Variants in UNC5D observed in about 807,000 individuals in gnomAD.
UNC5D encodes netrin receptor UNC5D.
A neutral mutation model predicts 105.4 loss-of-function variants in UNC5D; 39 were observed. That is an observed-to-expected ratio of 0.37 (90% CI 0.29 to 0.48). The LOEUF (loss-of-function observed/expected upper bound fraction) is 0.48, where lower values mean the gene tolerates loss of function less well. Among genes scored for constraint, UNC5D ranks in the 20% least tolerant of loss-of-function variants. UNC5D has a pLI of 0.98. For missense variants in UNC5D, 991 were observed against 1,202.4 expected (o/e 0.82, Z 2.60); for synonymous variants, 452 against 450.4 (o/e 1.00, Z -0.04).
chr8:35,627,058 A>G (rs1423996221), intron 4 of UNC5D, among the ~76,000 whole-genome samples: 1 of 152,240 alleles, frequency 6.6e-6, no homozygotes, highest in Non-Finnish European at 1.5e-5. Context: ...CCCATCTACT[A>G]AGAAATGGTT....
chr8:35,701,069 C>T (rs2131422694), intron 7 of UNC5D, among the ~76,000 whole-genome samples: 1 of 152,170 alleles, frequency 6.6e-6, no homozygotes, highest in East Asian at 1.9e-4. Flanking sequence ...TTAAAGTGGT[C>T]TTTGTAGGTA....
At chr8:35,736,730 T>C (rs1287696458) in intron 11 of UNC5D, among the ~76,000 whole-genome samples, 1 of 152,170 alleles carries the variant, frequency 6.6e-6, no homozygotes, top group African/African-American at 2.4e-5. Flanking sequence ...GGGGTTTCTC[T>C]CCAAGGGAGT....
At chr8:35,695,327 A>G (rs938427071) in intron 7 of UNC5D, among the ~76,000 whole-genome samples, 1 of 152,174 alleles carries the variant, frequency 6.6e-6, no homozygotes, top group African/African-American at 2.4e-5. Flanking sequence ...TAAGGTCCCA[A>G]CACGTTCTAA....
At position 35,766,889 on chromosome 8, in the gene UNC5D, G is replaced by C; in HGVS notation, c.2314-13G>C. 1 of 1,605,282 alleles carries C rather than the reference G, an allele frequency of 6.2e-7. No homozygotes were observed. The highest frequency in any genetic ancestry group is 1.1e-5 in the South Asian group (1 of 89,942). On this transcript the variant is annotated splice_polypyrimidine_tract_variant and intron_variant, in intron 14 of 16. Coordinates refer to ENST00000404895, the MANE Select transcript of UNC5D (RefSeq NM_080872.4). ...GCTCTGCACACCATCCCTTCTCTCC[G>C]TCTCCCCTGCAGGAAGTCCCGTTCT...
intron 4 of UNC5D, among the ~76,000 whole-genome samples, chr8:35,682,839 T>C (rs1825759637): frequency 6.6e-6 from 1 of 151,930 alleles, no homozygotes; most frequent in African/African-American, 2.4e-5. Flanking sequence ...GAAATGGGAG[T>C]ACCCTGTGCT....
At position 35,265,585 on chromosome 8, in the gene UNC5D, T is replaced by A. The variant is rs532195946; in HGVS notation, c.103+29698T>A. 7.9e-5 allele frequency among the ~76,000 whole-genome samples: 12 copies of A among 152,138 alleles called. No homozygotes were observed. The South Asian group carries it at 2.5e-3, about 32-fold the overall frequency. On this transcript the variant is annotated intron_variant, in intron 1 of 16. Coordinates refer to ENST00000404895, the MANE Select transcript of UNC5D (RefSeq NM_080872.4). ...TATAGAAATGCTTATAAAAATAATATGATGGCTGGGCGCAGTGGCTCAGGC... is the reference window on the plus strand; with the variant it reads ...TATAGAAATGCTTATAAAAATAATAAGATGGCTGGGCGCAGTGGCTCAGGC...
intron 1 of UNC5D, among the ~76,000 whole-genome samples, chr8:35,478,129 G>T (rs1318351110): frequency 6.6e-6 from 1 of 151,980 alleles, no homozygotes; most frequent in East Asian, 1.9e-4. Context: ...TTAATATTCA[G>T]AATCTCTATT....
chr8:35,697,200 A>T (rs1826845900), intron 7 of UNC5D, among the ~76,000 whole-genome samples: 1 of 152,020 alleles, frequency 6.6e-6, no homozygotes, highest in Non-Finnish European at 1.5e-5. Context: ...ATATATACAT[A>T]TAAAGTATGA....
At chr8:35,404,443 T>C (rs552539790) in intron 1 of UNC5D, among the ~76,000 whole-genome samples, 70 of 152,336 alleles carry the variant, frequency 4.6e-4, no homozygotes, top group Admixed American at 8.5e-4. Flanking sequence ...TCAAATGCTG[T>C]CTATACTTTC....
intron 1 of UNC5D, among the ~76,000 whole-genome samples, chr8:35,253,665 T>G (rs960975965): frequency 6.6e-6 from 1 of 151,822 alleles, no homozygotes; most frequent in South Asian, 2.1e-4. Flanking sequence ...TTTTTGTATT[T>G]TTTTTAGTAG....
At chr8:35,553,706 C>G (rs1816330062) in intron 2 of UNC5D, among the ~76,000 whole-genome samples, 2 of 151,948 alleles carry the variant, frequency 1.3e-5, no homozygotes, top group Non-Finnish European at 2.9e-5. Flanking sequence ...GATATTATAC[C>G]CCAAAACAAT....
At chr8:35,249,958 A>C (rs1005633178) in intron 1 of UNC5D, among the ~76,000 whole-genome samples, 1 of 152,006 alleles carries the variant, frequency 6.6e-6, no homozygotes, top group Non-Finnish European at 1.5e-5. Flanking sequence ...AAAGGAAAAC[A>C]TCTGTAGTAT....
chr8:35,629,796 G>A (rs1419756807), intron 4 of UNC5D, among the ~76,000 whole-genome samples: 1 of 152,136 alleles, frequency 6.6e-6, no homozygotes, highest in Non-Finnish European at 1.5e-5. Context: ...TAGCTTCTGT[G>A]TTATAATGTA....
intron 3 of UNC5D, among the ~76,000 whole-genome samples, chr8:35,593,395 C>T (rs2978569): frequency 0.091 from 13,872 of 152,062 alleles, 659 homozygotes; most frequent in Middle Eastern, 0.11. Context: ...CATTTAGCAG[C>T]ACTGAACAAA....
At chr8:35,258,928 G>T (rs1032713798) in intron 1 of UNC5D, among the ~76,000 whole-genome samples, 2 of 152,130 alleles carry the variant, frequency 1.3e-5, no homozygotes, top group African/African-American at 4.8e-5. Flanking sequence ...TGCAGAGAAG[G>T]TTTGAGAGAC....
chr8:35,525,901 C>T (rs1813837935), intron 1 of UNC5D: 1 of 766,668 alleles, frequency 1.3e-6, no homozygotes, highest in Non-Finnish European at 2.1e-6. Context: ...CTTTTCTCTC[C>T]CTGCACTGGA....
At chr8:35,785,046 C>T (rs1430504758) in intron 16 of UNC5D, among the ~76,000 whole-genome samples, 2 of 151,766 alleles carry the variant, frequency 1.3e-5, no homozygotes, top group Non-Finnish European at 2.9e-5. Flanking sequence ...TGCTAATGTT[C>T]TGGTTCCATT....
Position 35,549,435 on chromosome 8 carries a change from A to G in UNC5D, c.247A>G (p.Ile83Val), listed in dbSNP as rs1815939385. The change falls in exon 2 of 17, where the codon ATA becomes GTA. Residue 83 changes from isoleucine to valine, a missense_variant. This residue lies in a region of UNC5D where 944 missense variants were observed against 1,131.6 expected (regional missense o/e 0.83). Coordinates refer to ENST00000404895, the MANE Select transcript of UNC5D (RefSeq NM_080872.4). ...LRCKARPAMQIFFKCNGEWVH... is the reference protein window; with the variant it reads ...LRCKARPAMQVFFKCNGEWVH... ...GTGCAAAGCGAGGCCAGCCATGCAGATATTCTTCAAATGCAACGGCGAGTG... is the reference window on the plus strand; with the variant it reads ...GTGCAAAGCGAGGCCAGCCATGCAGGTATTCTTCAAATGCAACGGCGAGTG... 6.2e-7 allele frequency: 1 copy of G among 1,613,146 alleles called. No individual in the cohort carries two copies. Among genetic ancestry groups the G allele is most frequent in the African/African-American group, 1.3e-5 (1 of 75,032 alleles).
At chr8:35,565,689 T>G (rs1236905097) in intron 2 of UNC5D, among the ~76,000 whole-genome samples, 1 of 152,198 alleles carries the variant, frequency 6.6e-6, no homozygotes, top group East Asian at 1.9e-4. Flanking sequence ...CTTCTAAAAT[T>G]TTTACAGCTT....
Sources: allele counts gnomAD v4.1 joint callset (sites outside exome capture counted in the v4.1 genomes callset), GRCh38; gene constraint gnomAD v4.1.1; regional missense constraint gnomAD v4.1.1; transcripts MANE v1.5; gene names NCBI Gene and HGNC (gene_info 2026-07-23, HGNC 2026-07-21).